TMEM175: variants seen among roughly 807,000 people sequenced by gnomAD.
TMEM175 encodes endosomal/lysosomal proton channel TMEM175.
TMEM175 carries 36 observed loss-of-function variants against 36.5 expected under a neutral mutation model. That is an observed-to-expected ratio of 0.99 (90% CI 0.76 to 1.30). TMEM175 has a LOEUF of 1.30. Among genes scored for constraint, TMEM175 ranks in the 50% most tolerant of loss-of-function variants. TMEM175 has a pLI of 0.00. For synonymous variants in TMEM175, 339 were observed against 313.4 expected (o/e 1.08, Z -0.86); for missense variants, 705 against 692.8 (o/e 1.02, Z -0.20).
At chr4:953,000 C>G (rs920979372) in intron 7 of TMEM175, among the ~76,000 whole-genome samples, 190 bp from the exon 8 acceptor site, 1 of 151,936 alleles carries the variant, frequency 6.6e-6, no homozygotes, top group Non-Finnish European at 1.5e-5. Flanking sequence ...GTCCCAGGTA[C>G]AAGCCCACCT....
At chr4:942,759 C>T (rs1727679771) in intron 1 of TMEM175, among the ~76,000 whole-genome samples, 1 of 151,944 alleles carries the variant, frequency 6.6e-6, no homozygotes, top group African/African-American at 2.4e-5. Context: ...CTTGCTTCAG[C>T]CTCCTGAGTA....
At chr4:953,453 GCAGA>G in intron 8 of TMEM175, 99 bp downstream of exon 8, 3 of 1,390,370 alleles carry the variant, frequency 2.2e-6, no homozygotes, top group Admixed American at 2.4e-5. Flanking sequence ...GGGGCAGAGC[GCAGA>G]CAGGCAGGGG....
intron 1 of TMEM175, among the ~76,000 whole-genome samples, chr4:945,795 C>T (rs1728069670): frequency 6.6e-6 from 1 of 152,190 alleles, no homozygotes; most frequent in South Asian, 2.1e-4. Context: ...CCATACCCTT[C>T]CTGAAGAGGT....
intron 7 of TMEM175, 108 bp downstream of exon 7, chr4:952,558 C>A: frequency 9.7e-7 from 1 of 1,033,180 alleles, no homozygotes; most frequent in Non-Finnish European, 1.4e-6. Flanking sequence ...CCCAGGGGGC[C>A]TGCACTGTGT....
intron 9 of TMEM175, 31 bp from the exon 10 acceptor site, chr4:955,724 G>A (rs1434383110): frequency 6.2e-7 from 1 of 1,605,904 alleles, no homozygotes. Context: ...TGGGGGGTTT[G>A]GCCAGCTCCA....
At chr4:937,659 T>A (rs1193626884) in intron 1 of TMEM175, among the ~76,000 whole-genome samples, 2 of 152,182 alleles carry the variant, frequency 1.3e-5, no homozygotes, top group African/African-American at 4.8e-5. Context: ...ACTCGGAAAG[T>A]TGAAGGAAGG....
chr4:948,251 G>A (rs773597978), intron 3 of TMEM175, 97 bp downstream of exon 3: 6 of 1,608,544 alleles, frequency 3.7e-6, no homozygotes, highest in South Asian at 2.2e-5. Flanking sequence ...TGCACGCCTC[G>A]AAGCTTCTGA....
chr4:958,223 G>A lies in TMEM175; in HGVS notation c.1242G>A (p.Arg414=). 6.2e-7 allele frequency: 1 copy of A among 1,602,634 alleles called. No homozygotes were observed. The highest frequency in any genetic ancestry group is 8.5e-7 in the Non-Finnish European group (1 of 1,176,494). The change falls in exon 11 of 11, where the codon CGG becomes CGA. Residue 414 remains arginine, a synonymous_variant. Transcript: ENST00000264771. ...TLQPSVWFGG[R]EHVLMFAKLA... Reference sequence around the variant, plus strand: ...AGCCCTCGGTGTGGTTTGGCGGCCGGGAGCATGTGCTCATGTTCGCCAAGC... The same window carrying A: ...AGCCCTCGGTGTGGTTTGGCGGCCGAGAGCATGTGCTCATGTTCGCCAAGC...
chr4:937,843 G>A (rs992845089), intron 1 of TMEM175, among the ~76,000 whole-genome samples: 1 of 152,154 alleles, frequency 6.6e-6, no homozygotes, highest in East Asian at 1.9e-4. Flanking sequence ...ATAGTACACC[G>A]TGACCGAGTG....
intron 1 of TMEM175, among the ~76,000 whole-genome samples, chr4:940,397 G>T (rs1315683200): frequency 7.1e-6 from 1 of 140,146 alleles, no homozygotes; most frequent in South Asian, 2.3e-4. Flanking sequence ...GCAGTGAGCC[G>T]AGATTGCACC....
In TMEM175 at chr4:952,459, C is replaced by T. The variant is rs1300379857; in HGVS notation, c.462+9C>T. Reference sequence around the variant, plus strand: ...CCATTGGGGTCGTGCAGGTAGGGGGCCTGGGGGGCCTGCACTGTGTGTGTG... The same window carrying T: ...CCATTGGGGTCGTGCAGGTAGGGGGTCTGGGGGGCCTGCACTGTGTGTGTG... On this transcript the variant is annotated intron_variant, in intron 7 of 10. Transcript: ENST00000264771. 1 of 1,563,834 alleles carries T rather than the reference C, an allele frequency of 6.4e-7. No homozygotes were observed. The highest frequency in any genetic ancestry group is 1.1e-5 in the South Asian group (1 of 87,880).
chr4:937,764 G>C (rs1180010493), intron 1 of TMEM175, among the ~76,000 whole-genome samples: 2 of 152,142 alleles, frequency 1.3e-5, no homozygotes, highest in Admixed American at 6.5e-5. Flanking sequence ...TATCTCTTGT[G>C]AACATAGACA....
rs1711508818 is a variant in TMEM175 at position 958,212 on chromosome 4, T to G, written c.1231T>G (p.Phe411Val). 1 of 1,601,964 alleles carries G rather than the reference T, an allele frequency of 6.2e-7. No homozygotes were observed. Among genetic ancestry groups the G allele is most frequent in the Non-Finnish European group, 8.5e-7 (1 of 1,176,300 alleles). Reference sequence around the variant, plus strand: ...GGAGACGCTGCAGCCCTCGGTGTGGTTTGGCGGCCGGGAGCATGTGCTCAT... The same window carrying G: ...GGAGACGCTGCAGCCCTCGGTGTGGGTTGGCGGCCGGGAGCATGTGCTCAT... ...QAETLQPSVW[F>V]GGREHVLMFA... Residue 411 changes from phenylalanine to valine, a missense_variant, in exon 11 of 11, where the codon TTT (phenylalanine) becomes GTT (valine). Transcript: ENST00000264771.
At chr4:949,852 A>T (rs1728642822) in intron 3 of TMEM175, among the ~76,000 whole-genome samples, 1 of 149,784 alleles carries the variant, frequency 6.7e-6, no homozygotes, top group South Asian at 2.1e-4. Context: ...GCCAGGTGTG[A>T]CCCTTTTGTG....
chr4:958,248 C>A lies in TMEM175; in HGVS notation c.1267C>A (p.Leu423Met). The A allele has an allele frequency of 6.2e-7, 1 of 1,605,232 alleles. No homozygotes were observed. Among genetic ancestry groups the A allele is most frequent in the Non-Finnish European group, 8.5e-7 (1 of 1,178,370 alleles). The change falls in exon 11 of 11, where the codon CTG becomes ATG. Residue 423 changes from leucine (L) to methionine (M), a missense_variant. Leu to Met is a conservative substitution (Grantham distance 15). Coordinates refer to ENST00000264771, the MANE Select transcript of TMEM175 (RefSeq NM_032326.4). ...GGAGCATGTGCTCATGTTCGCCAAGCTGGCGCTGTACCCCTGTGCCAGCCT... is the reference window on the plus strand; with the variant it reads ...GGAGCATGTGCTCATGTTCGCCAAGATGGCGCTGTACCCCTGTGCCAGCCT... ...GREHVLMFAK[L>M]ALYPCASLLA...
At chr4:937,009 G>A (rs1726867465) in intron 1 of TMEM175, among the ~76,000 whole-genome samples, 1 of 151,596 alleles carries the variant, frequency 6.6e-6, no homozygotes, top group East Asian at 1.9e-4. Context: ...GCCCTGACAT[G>A]CATACAATTA....
Position 958,634 on chromosome 4 carries a change from A to C in TMEM175, c.*138A>C. ...GGTTTTATTTTCATTGTGAAATATC[A>C]TGCTCTTATTTCAGTCCTCAAATTG... On this transcript the variant is annotated 3_prime_UTR_variant, in exon 11 of 11. Coordinates refer to ENST00000264771, the MANE Select transcript of TMEM175 (RefSeq NM_032326.4). 8.6e-6 allele frequency: 6 copies of C among 700,456 alleles called. No individual in the cohort carries two copies. Among genetic ancestry groups the C allele is most frequent in the South Asian group, 2.0e-5 (1 of 50,656 alleles). The allele number at this position is 700,456 out of a possible 1,614,324, so 43.4% of individuals were successfully genotyped here. A position where few individuals can be genotyped will look rare whatever the true frequency, so the allele number is the denominator to read the frequency against.
Position 958,003 on chromosome 4 carries a change from T to C in TMEM175, c.1022T>C (p.Met341Thr), listed in dbSNP as rs80114247. 0.026 allele frequency: 41,247 copies of C among 1,612,636 alleles called. 720 individuals are homozygous for C. The highest frequency in any genetic ancestry group is 0.063 in the East Asian group (2,832 of 44,874). ...CATGTGCGCAAGGCCACGCGGGCCA[T>C]GGGGCTGCTGAACACGCTCTCGCTG... The part of the protein sequence containing the change: ...FLHVRKATRA[M>T]GLLNTLSLAF... The change falls in exon 11 of 11, where the codon ATG (methionine) becomes ACG (threonine). Residue 341 changes from methionine to threonine, a missense_variant. Physicochemically the swap from Met to Thr is moderately conservative, Grantham distance 81. Transcript: ENST00000264771.
At chr4:953,039 G>A in intron 7 of TMEM175, 151 bp from the exon 8 acceptor site, 3 of 725,906 alleles carry the variant, frequency 4.1e-6, no homozygotes, top group Non-Finnish European at 6.5e-6. Context: ...CCCACCCCAA[G>A]ACCCCTGTGC....
Sources: gnomAD v4.1 joint callset for allele counts (sites outside exome capture counted in the v4.1 genomes callset) on GRCh38, gnomAD v4.1.1 for gene constraint, MANE v1.5 for transcripts, NCBI Gene and HGNC (gene_info 2026-07-23, HGNC 2026-07-21) for gene names.